DOCK1: variants seen among roughly 807,000 people sequenced by gnomAD.
The protein encoded by DOCK1 is dedicator of cytokinesis protein 1.
DOCK1 carries 138 observed loss-of-function variants against 262.7 expected under a neutral mutation model. That is an observed-to-expected ratio of 0.53 (90% CI 0.46 to 0.61). The LOEUF (loss-of-function observed/expected upper bound fraction) is 0.61, where lower values mean the gene tolerates loss of function less well. Ranked by LOEUF, DOCK1 falls within the 20% of genes least tolerant of loss-of-function variation. The pLI is 0.00. For synonymous variants in DOCK1, 866 were observed against 867.4 expected (o/e 1.00, Z 0.03); for missense variants, 1,908 against 2,370.7 (o/e 0.80, Z 4.05).
rs562796175 is a variant in DOCK1, at chr10:127,452,268, A to G, written c.*841A>G. The G allele has an allele frequency of 5.2e-5, 8 of 152,402 alleles. No homozygotes were observed. In the South Asian group the frequency reaches 1.7e-3, roughly 32 times the overall value. 9.4% of individuals were successfully genotyped at this position (152,402 alleles called of 1,614,324 possible). On this transcript the variant is annotated 3_prime_UTR_variant, in exon 52 of 52. Coordinates refer to ENST00000623213, the MANE Select transcript of DOCK1 (RefSeq NM_001290223.2). ...AATAGGCGTCCACCAATGATTATCC[A>G]TATGTGTTCTTAATTTTTAACTGCT...
chr10:126,942,702 T>C lies in DOCK1; in HGVS notation c.47-28000T>C, dbSNP rs2035113510. ...CCGTTTATTTTTACTGTAAATACAC[T>C]CAATGTTACACAAATTCATTAAAAG... On this transcript the variant is annotated intron_variant, in intron 1 of 51. Coordinates refer to ENST00000623213, the MANE Select transcript of DOCK1 (RefSeq NM_001290223.2). Among the ~76,000 whole-genome samples, 5 of 152,254 alleles carry C rather than the reference T, an allele frequency of 3.3e-5. No individual in the cohort carries two copies. In the South Asian group the frequency reaches 1.0e-3, roughly 32 times the overall value.
chr10:126,984,401 G>A (rs2039204488), intron 4 of DOCK1, among the ~76,000 whole-genome samples: 1 of 152,186 alleles, frequency 6.6e-6, no homozygotes, highest in Non-Finnish European at 1.5e-5. Flanking sequence ...AGGTTGAAGT[G>A]CAGTGGCGAG....
chr10:127,126,002 C>T (rs1222316886), intron 26 of DOCK1, among the ~76,000 whole-genome samples: 1 of 151,376 alleles, frequency 6.6e-6, no homozygotes, highest in Non-Finnish European at 1.5e-5. Context: ...CTGAGGGAGT[C>T]GTAAGGAGAA....
chr10:127,009,366 C>T (rs1272658699), intron 11 of DOCK1, among the ~76,000 whole-genome samples: 2 of 152,066 alleles, frequency 1.3e-5, no homozygotes, highest in Non-Finnish European at 2.9e-5. Flanking sequence ...AGAAAAAGCT[C>T]TTGGAGGAGA....
chr10:127,254,113 T>G (rs944616504), intron 28 of DOCK1, among the ~76,000 whole-genome samples: 1 of 152,172 alleles, frequency 6.6e-6, no homozygotes, highest in East Asian at 1.9e-4. Flanking sequence ...CAACAACCCC[T>G]CATGCCATTT....
Position 127,175,578 on chromosome 10 carries a change from G to C in DOCK1, c.2847+47814G>C, listed in dbSNP as rs1410329087. On this transcript the variant is annotated intron_variant, in intron 27 of 51. Coordinates refer to ENST00000623213, the MANE Select transcript of DOCK1 (RefSeq NM_001290223.2). The surrounding 1 kb of genome is among the most constrained non-coding windows in gnomAD (Gnocchi z 6.3). Reference sequence around the variant, plus strand: ...GAGTGACCACTGGCTGGCGGCTGCAGAGTCTGACAAACCAGGCTCGGGGGC... The same window carrying C: ...GAGTGACCACTGGCTGGCGGCTGCACAGTCTGACAAACCAGGCTCGGGGGC... 6.2e-7 allele frequency: 1 copy of C among 1,612,086 alleles called. No individual in the cohort carries two copies. Among genetic ancestry groups the C allele is most frequent in the East Asian group, 2.2e-5 (1 of 44,878 alleles).
intron 47 of DOCK1, 73 bp downstream of exon 47, chr10:127,426,084 T>C: frequency 1.2e-6 from 2 of 1,600,202 alleles, no homozygotes; most frequent in Non-Finnish European, 8.5e-7. Flanking sequence ...AGGGACAAGC[T>C]TCCAGAGCAG....
chr10:127,095,793 A>T (rs986448966), intron 23 of DOCK1, among the ~76,000 whole-genome samples: 1 of 152,210 alleles, frequency 6.6e-6, no homozygotes, highest in Non-Finnish European at 1.5e-5. Context: ...CCCGTTCCTC[A>T]TCATCGATAT....
chr10:126,983,314 G>A (rs528105641), intron 4 of DOCK1, among the ~76,000 whole-genome samples: 5 of 152,080 alleles, frequency 3.3e-5, no homozygotes, highest in Admixed American at 1.3e-4. Context: ...GGCTTGACAG[G>A]TGATCTCATC....
At chr10:127,418,224 C>T in intron 44 of DOCK1, 141 bp from the exon 45 acceptor site, 1 of 920,784 alleles carries the variant, frequency 1.1e-6, no homozygotes, top group Non-Finnish European at 1.6e-6. Context: ...AATAAAATGC[C>T]CAGCCACCCA....
chr10:126,977,356 C>T (rs1014581530), intron 2 of DOCK1, among the ~76,000 whole-genome samples: 1 of 152,136 alleles, frequency 6.6e-6, no homozygotes, highest in Middle Eastern at 3.2e-3. Flanking sequence ...AGAAGTGGAG[C>T]CTGGGCCAAA....
chr10:126,963,844 C>G (rs1431148884), intron 1 of DOCK1, among the ~76,000 whole-genome samples: 2 of 151,984 alleles, frequency 1.3e-5, no homozygotes, highest in African/African-American at 4.8e-5. Flanking sequence ...CATTCAGGCT[C>G]ATCTCTCTAG....
At chr10:127,430,919 C>G (rs909519070) in intron 47 of DOCK1, among the ~76,000 whole-genome samples, 9 of 152,194 alleles carry the variant, frequency 5.9e-5, no homozygotes, top group Non-Finnish European at 1.3e-4. Context: ...GCCAGAGGAT[C>G]GCTCCTGGTC....
chr10:127,143,116 T>C (rs1165789734), intron 27 of DOCK1, among the ~76,000 whole-genome samples: 1 of 152,194 alleles, frequency 6.6e-6, no homozygotes, highest in Non-Finnish European at 1.5e-5. Context: ...ACTCAGGCCC[T>C]GCCACAGTTT....
At chr10:127,046,748 A>G (rs139801394) in intron 21 of DOCK1, among the ~76,000 whole-genome samples, 1 of 125,462 alleles carries the variant, frequency 8.0e-6, no homozygotes, top group East Asian at 2.3e-4. Flanking sequence ...GCAGAGCGAC[A>G]CTACGTCTCA....
chr10:127,448,031 G>T (rs2070700465), intron 51 of DOCK1, among the ~76,000 whole-genome samples: 1 of 152,180 alleles, frequency 6.6e-6, no homozygotes, highest in Admixed American at 6.5e-5. Context: ...GCCTCACCTG[G>T]TGCTGGGAGC....
chr10:127,046,844 T>G (rs2044383158), intron 21 of DOCK1, among the ~76,000 whole-genome samples: 1 of 151,948 alleles, frequency 6.6e-6, no homozygotes, highest in South Asian at 2.1e-4. Flanking sequence ...GCAGTGAAGG[T>G]TGCTCTTCTG....
intron 27 of DOCK1, among the ~76,000 whole-genome samples, chr10:127,149,317 G>A (rs1316604126): frequency 2.0e-5 from 3 of 152,136 alleles, no homozygotes; most frequent in East Asian, 1.9e-4. Context: ...AGGCTCTCAC[G>A]GGCTGATGTT....
At chr10:126,923,549 G>A (rs375078043) in intron 1 of DOCK1, among the ~76,000 whole-genome samples, 14 of 152,136 alleles carry the variant, frequency 9.2e-5, no homozygotes, top group African/African-American at 2.2e-4. Context: ...GCTTGAACCC[G>A]GGAGGCGGAG....
Sources: gnomAD v4.1 joint callset for allele counts (sites outside exome capture counted in the v4.1 genomes callset) on GRCh38, gnomAD v4.1.1 for gene constraint, Gnocchi (gnomAD v3.1) non-coding constraint, MANE v1.5 for transcripts, NCBI Gene and HGNC (gene_info 2026-07-23, HGNC 2026-07-21) for gene names.